DENND1A: variants seen among roughly 807,000 people sequenced by gnomAD.
DENND1A encodes DENN domain containing 1A.
Under a neutral mutation model 113.7 loss-of-function variants are expected in DENND1A, and 51 were observed. The ratio of observed to expected loss-of-function variants is 0.45; its 90% CI spans 0.36 to 0.57. DENND1A has a LOEUF of 0.57. Ranked by LOEUF, DENND1A falls within the 20% of genes least tolerant of loss-of-function variation. The pLI is 0.00. For missense variants in DENND1A, 1,258 were observed against 1,395.9 expected (o/e 0.90, Z 1.57); for synonymous variants, 565 against 570.8 (o/e 0.99, Z 0.14).
chr9:123,499,008 C>T (rs1397492795), intron 13 of DENND1A, among the ~76,000 whole-genome samples: 1 of 151,892 alleles, frequency 6.6e-6, no homozygotes, highest in Non-Finnish European at 1.5e-5. Context: ...CAGGCATGAG[C>T]CACTGTGCCC....
intron 5 of DENND1A, among the ~76,000 whole-genome samples, chr9:123,716,331 T>C (rs1487474397): frequency 6.6e-6 from 1 of 152,220 alleles, no homozygotes; most frequent in Admixed American, 6.5e-5. Context: ...AGGATGCCCA[T>C]TTGCTTTTAA....
At chr9:123,890,534 A>G (rs1849751409) in intron 1 of DENND1A, among the ~76,000 whole-genome samples, 1 of 152,228 alleles carries the variant, frequency 6.6e-6, no homozygotes, top group Non-Finnish European at 1.5e-5. Flanking sequence ...AAGAGCAGAT[A>G]TTCTGCAGAA....
At chr9:123,498,060 T>C (rs2052106016) in intron 13 of DENND1A, among the ~76,000 whole-genome samples, 2 of 152,196 alleles carry the variant, frequency 1.3e-5, no homozygotes, top group African/African-American at 2.4e-5. Context: ...GAAAGACACT[T>C]GTAATAGAAG....
At chr9:123,809,067 T>TG (rs1353982488) in intron 2 of DENND1A, among the ~76,000 whole-genome samples, 2 of 152,104 alleles carry the variant, frequency 1.3e-5, no homozygotes, top group Non-Finnish European at 2.9e-5. Flanking sequence ...CTCAGGGATG[T>TG]GGGGAGACAG....
intron 5 of DENND1A, among the ~76,000 whole-genome samples, chr9:123,710,534 A>AAC (rs59599155): frequency 0.014 from 1,682 of 116,708 alleles, 24 homozygotes; most frequent in Middle Eastern, 0.041. Context: ...AGCCTCATTA[A>AAC]ACACACACAC....
chr9:123,433,216 G>A (rs550553157), intron 19 of DENND1A, among the ~76,000 whole-genome samples: 1 of 152,320 alleles, frequency 6.6e-6, no homozygotes, highest in Admixed American at 6.5e-5. Context: ...ATTTCACTGA[G>A]GCTAAGTAAC....
intron 8 of DENND1A, among the ~76,000 whole-genome samples, chr9:123,664,798 T>C (rs964472352): frequency 6.6e-6 from 1 of 152,222 alleles, no homozygotes; most frequent in African/African-American, 2.4e-5. Context: ...GAGTTTAGTA[T>C]GCTCTATTTT....
At chr9:123,920,990 T>C (rs751409496) in intron 1 of DENND1A, among the ~76,000 whole-genome samples, 1 of 152,180 alleles carries the variant, frequency 6.6e-6, no homozygotes. Context: ...GTGCTTTGTA[T>C]ATATCAGCAT....
At chr9:123,747,195 A>G (rs2069588496) in intron 5 of DENND1A, among the ~76,000 whole-genome samples, 1 of 152,144 alleles carries the variant, frequency 6.6e-6, no homozygotes, top group Non-Finnish European at 1.5e-5. Flanking sequence ...TTCTTCTCCC[A>G]CCACACTCTT....
At chr9:123,415,571 C>T (rs62581070) in intron 19 of DENND1A, among the ~76,000 whole-genome samples, 6,330 of 152,262 alleles carry the variant, frequency 0.042, 198 homozygotes, top group Admixed American at 0.079. Flanking sequence ...ACAGTAATCC[C>T]GTGGGAAGCA....
intron 5 of DENND1A, among the ~76,000 whole-genome samples, chr9:123,728,558 T>C (rs1194752138): frequency 7.1e-6 from 1 of 141,408 alleles, no homozygotes; most frequent in African/African-American, 2.7e-5. Context: ...TTCAATCCAA[T>C]GTCAAACCAA....
intron 5 of DENND1A, among the ~76,000 whole-genome samples, chr9:123,728,729 C>A (rs140656025): frequency 0.014 from 2,155 of 152,104 alleles, 26 homozygotes; most frequent in South Asian, 0.026. Flanking sequence ...TATGATGCCA[C>A]GATTAAGACA....
chr9:123,436,566 G>A (rs1447197803), intron 19 of DENND1A, among the ~76,000 whole-genome samples: 2 of 152,096 alleles, frequency 1.3e-5, no homozygotes, highest in African/African-American at 4.8e-5. Context: ...TCTAAACTGC[G>A]ACATCTTCCA....
At chr9:123,400,240 G>A (rs2043359986) in intron 21 of DENND1A, 1 of 152,226 alleles carries the variant, frequency 6.6e-6, no homozygotes, top group South Asian at 2.1e-4. Context: ...ACCTATCATT[G>A]ATTCAGAAAG....
At chr9:123,792,153 C>T (rs1590102141) in intron 3 of DENND1A, among the ~76,000 whole-genome samples, 2 of 152,300 alleles carry the variant, frequency 1.3e-5, no homozygotes, top group South Asian at 4.1e-4. Flanking sequence ...CCTTCCAATA[C>T]TACCATAACA....
At chr9:123,401,680 C>G (rs2043474746) in intron 21 of DENND1A, 2 of 1,499,014 alleles carry the variant, frequency 1.3e-6, no homozygotes, top group Admixed American at 4.5e-5. Flanking sequence ...ACCAACCAAC[C>G]AACAAAACTA....
chr9:123,654,007 T>C (rs1274493973), intron 8 of DENND1A, among the ~76,000 whole-genome samples: 1 of 151,758 alleles, frequency 6.6e-6, no homozygotes, highest in African/African-American at 2.4e-5. Context: ...AATCCAAAAC[T>C]CATACCCTAA....
At chr9:123,447,853 C>A (rs1056277950) in intron 18 of DENND1A, among the ~76,000 whole-genome samples, 1 of 151,646 alleles carries the variant, frequency 6.6e-6, no homozygotes, top group African/African-American at 2.4e-5. Flanking sequence ...GCAGCCAAAT[C>A]CTAAATTAGC....
intron 5 of DENND1A, among the ~76,000 whole-genome samples, chr9:123,680,973 C>T (rs1040437043): frequency 4.6e-5 from 7 of 151,984 alleles, no homozygotes; most frequent in Admixed American, 1.3e-4. Context: ...GCTGTCCTCC[C>T]GAAGGGGCAA....
Sources: gnomAD v4.1 joint callset for allele counts (sites outside exome capture counted in the v4.1 genomes callset) on GRCh38, gnomAD v4.1.1 for gene constraint, MANE v1.5 for transcripts, NCBI Gene and HGNC (gene_info 2026-07-23, HGNC 2026-07-21) for gene names.